Variants in CTNNA3 observed in about 807,000 individuals in gnomAD.
CTNNA3 encodes catenin alpha 3.
A neutral mutation model predicts 95.7 loss-of-function variants in CTNNA3; 76 were observed. The ratio of observed to expected loss-of-function variants is 0.79; its 90% CI spans 0.66 to 0.96. CTNNA3 has a LOEUF of 0.96. Among genes scored for constraint, CTNNA3 ranks in the 40% least tolerant of loss-of-function variants. CTNNA3 has a pLI of 0.00. For synonymous variants in CTNNA3, 431 were observed against 374.4 expected (o/e 1.15, Z -1.74); for missense variants, 1,191 against 1,089.8 (o/e 1.09, Z -1.31).
chr10:66,552,261 A>T (rs76437447), intron 10 of CTNNA3, among the ~76,000 whole-genome samples: 2,289 of 152,220 alleles, frequency 0.015, 38 homozygotes, highest in African/African-American at 0.042. Flanking sequence ...CTCACTCTCC[A>T]GCCTTCTGGA....
chr10:65,972,795 T>C (rs1046838125), intron 16 of CTNNA3, among the ~76,000 whole-genome samples: 4 of 151,706 alleles, frequency 2.6e-5, no homozygotes, highest in African/African-American at 9.7e-5. Flanking sequence ...GATTCAATGC[T>C]ATTCCTATCA....
At chr10:67,211,355 G>T (rs896949330) in intron 6 of CTNNA3, among the ~76,000 whole-genome samples, 1 of 151,638 alleles carries the variant, frequency 6.6e-6, no homozygotes, top group Non-Finnish European at 1.5e-5. Context: ...CCTTGAACAC[G>T]ATCTATAATG....
In CTNNA3 at chr10:65,915,773, A is replaced by G. The variant is rs551953244; in HGVS notation, c.*4557T>C. On this transcript the variant is annotated 3_prime_UTR_variant, in exon 18 of 18. Transcript: ENST00000433211. ...GGATTCTATCTTGTCTGTTAGGGGG[A>G]AAATATTCACATGCAAGAAGACTAG... 3.9e-5 allele frequency: 6 copies of G among 152,304 alleles called. No individual in the cohort carries two copies. Among genetic ancestry groups the G allele is most frequent in the African/African-American group, 1.4e-4 (6 of 41,574 alleles). 9.4% of individuals were successfully genotyped at this position (152,304 alleles called of 1,614,324 possible). A position where few individuals can be genotyped will look rare whatever the true frequency, so the allele number is the denominator to read the frequency against.
At chr10:66,419,955 C>T (rs4746585) in intron 11 of CTNNA3, among the ~76,000 whole-genome samples, 40,332 of 151,922 alleles carry the variant, frequency 0.27, 5,521 homozygotes, top group South Asian at 0.39. Context: ...ACATAGGAAA[C>T]GCACTTCCAA....
chr10:66,589,418 A>G (rs1843472380), intron 10 of CTNNA3, among the ~76,000 whole-genome samples: 1 of 152,134 alleles, frequency 6.6e-6, no homozygotes, highest in Admixed American at 6.5e-5. Context: ...CCCCTACCCC[A>G]TGAAACTGAG....
At chr10:66,397,929 C>A (rs1247012844) in intron 11 of CTNNA3, among the ~76,000 whole-genome samples, 1 of 151,546 alleles carries the variant, frequency 6.6e-6, no homozygotes, top group African/African-American at 2.4e-5. Flanking sequence ...AGGGGTGGGG[C>A]AATTTTCCCA....
At chr10:65,941,979 GC>G (rs1436534037) in intron 17 of CTNNA3, among the ~76,000 whole-genome samples, 1 of 152,076 alleles carries the variant, frequency 6.6e-6, no homozygotes, top group Non-Finnish European at 1.5e-5. Flanking sequence ...ATAATTGCCT[GC>G]CCCAAGCCCT....
chr10:66,038,271 A>T (rs781428712), intron 15 of CTNNA3, among the ~76,000 whole-genome samples: 8 of 152,188 alleles, frequency 5.3e-5, no homozygotes, highest in East Asian at 1.9e-4. Flanking sequence ...GTTCCTTCTG[A>T]TGGTGATGGC....
intron 12 of CTNNA3, among the ~76,000 whole-genome samples, chr10:66,370,129 A>G (rs2092743256): frequency 6.6e-6 from 1 of 152,160 alleles, no homozygotes; most frequent in Non-Finnish European, 1.5e-5. Context: ...TCTAAGGGAC[A>G]TAATATCTTG....
intron 7 of CTNNA3, among the ~76,000 whole-genome samples, chr10:66,815,976 G>C (rs1175986891): frequency 6.6e-6 from 1 of 152,082 alleles, no homozygotes; most frequent in African/African-American, 2.4e-5. Context: ...ATTTTTGTTT[G>C]TAACTAATTT....
chr10:66,783,414 T>A (rs1445934851), intron 7 of CTNNA3, among the ~76,000 whole-genome samples: 1 of 152,168 alleles, frequency 6.6e-6, no homozygotes, highest in African/African-American at 2.4e-5. Context: ...TTTACTGATA[T>A]TTTAATTCCA....
intron 10 of CTNNA3, among the ~76,000 whole-genome samples, chr10:66,605,329 A>G (rs1181716717): frequency 6.6e-6 from 1 of 152,140 alleles, no homozygotes; most frequent in African/African-American, 2.4e-5. Flanking sequence ...AAAATCTATG[A>G]CTCATTGGTG....
intron 1 of CTNNA3, among the ~76,000 whole-genome samples, chr10:67,668,832 C>CTTTT (rs869150567): frequency 6.5e-4 from 59 of 90,082 alleles, no homozygotes; most frequent in East Asian, 1.9e-3. Context: ...TACTGTGTTT[C>CTTTT]TTTTTTTTTT....
chr10:67,312,063 A>G (rs987744526), intron 5 of CTNNA3, among the ~76,000 whole-genome samples: 1 of 143,844 alleles, frequency 7.0e-6, no homozygotes, highest in African/African-American at 2.5e-5. Context: ...AAAAATATAT[A>G]CATTTAAATT....
intron 2 of CTNNA3, among the ~76,000 whole-genome samples, chr10:67,626,335 T>C (rs189639562): frequency 3.3e-5 from 5 of 152,220 alleles, no homozygotes; most frequent in South Asian, 2.1e-4. Flanking sequence ...CTTCCAGAGG[T>C]CTTTGTGGGG....
At chr10:66,081,128 T>C (rs1437429977) in intron 14 of CTNNA3, among the ~76,000 whole-genome samples, 1 of 152,120 alleles carries the variant, frequency 6.6e-6, no homozygotes, top group Non-Finnish European at 1.5e-5. Flanking sequence ...AGTCAACCAA[T>C]GAACCTGAGA....
chr10:66,749,267 T>G (rs1839032487), intron 9 of CTNNA3, among the ~76,000 whole-genome samples: 1 of 150,868 alleles, frequency 6.6e-6, no homozygotes, highest in Non-Finnish European at 1.5e-5. Context: ...CTCCTGGTGT[T>G]GTACATTGCA....
rs1214180862 is a variant in CTNNA3, at chr10:67,526,808, G to A, written c.460-4847C>T. Among the ~76,000 whole-genome samples, 3 of 152,212 alleles carry A rather than the reference G, an allele frequency of 2.0e-5. No homozygotes were observed. The East Asian group carries it at 5.8e-4, about 29-fold the overall frequency. On this transcript the variant is annotated intron_variant, in intron 4 of 17. Coordinates refer to ENST00000433211, the MANE Select transcript of CTNNA3 (RefSeq NM_013266.4). ...AAAAGACCATTGTCATTAAGATCAT[G>A]ACACCTTTCAGTAGTGAATAAGGAC...
chr10:67,170,159 T>C (rs918034687), intron 7 of CTNNA3, among the ~76,000 whole-genome samples: 2 of 152,198 alleles, frequency 1.3e-5, no homozygotes, highest in Non-Finnish European at 2.9e-5. Flanking sequence ...GAAGCACTTA[T>C]ATACTGTTGG....
Sources: allele counts gnomAD v4.1 joint callset (sites outside exome capture counted in the v4.1 genomes callset), GRCh38; gene constraint gnomAD v4.1.1; transcripts MANE v1.5; gene names NCBI Gene and HGNC (gene_info 2026-07-23, HGNC 2026-07-21).